The following OPRM1 variants were observed in gnomAD, a reference collection of about 807,000 sequenced individuals.
OPRM1 encodes the protein opioid receptor mu 1.
OPRM1 carries 27 observed loss-of-function variants against 31.8 expected under a neutral mutation model. The observed-to-expected ratio is 0.85, with a 90% CI of 0.63 to 1.17. OPRM1 has a LOEUF of 1.17. Ranked by LOEUF, OPRM1 falls within the 50% of genes most tolerant of loss-of-function variation. OPRM1 has a pLI of 0.00. For synonymous variants in OPRM1, 196 were observed against 189.9 expected, an observed-to-expected ratio of 1.03 and a Z score of -0.26; for missense variants, 536 against 511.1, an observed-to-expected ratio of 1.05 and a Z score of -0.47.
intron 1 of OPRM1, among the ~76,000 whole-genome samples, chr6:154,021,535 C>T (rs1456726358): frequency 1.3e-5 from 2 of 152,200 alleles, no homozygotes; most frequent in Non-Finnish European, 2.9e-5. Flanking sequence ...TGGATCTATA[C>T]ATCAAGTTGG....
chr6:154,022,236 G>T (rs148430124), intron 1 of OPRM1, among the ~76,000 whole-genome samples: 5 of 152,316 alleles, frequency 3.3e-5, no homozygotes, highest in African/African-American at 9.6e-5. Context: ...ATATGATCAT[G>T]TGATTTTCCT....
chr6:154,185,796 A>G (rs977566673), intron 3 of OPRM1, among the ~76,000 whole-genome samples: 1 of 152,216 alleles, frequency 6.6e-6, no homozygotes, highest in African/African-American at 2.4e-5. Context: ...ATCACAAAAA[A>G]TTCTCATAAT....
chr6:154,088,925 T>C (rs1791315114), intron 1 of OPRM1, among the ~76,000 whole-genome samples: 1 of 152,118 alleles, frequency 6.6e-6, no homozygotes, highest in Non-Finnish European at 1.5e-5. Context: ...CTGTTACCTC[T>C]CTGTCTAGAA....
chr6:154,142,383 GC>G (rs1438305090), intron 3 of OPRM1, among the ~76,000 whole-genome samples: 1 of 86,530 alleles, frequency 1.2e-5, no homozygotes, highest in Admixed American at 1.3e-4. Flanking sequence ...ACATTAAGAG[GC>G]AAAATGGGTA....
At chr6:154,140,521 G>T (rs1410560313) in intron 3 of OPRM1, among the ~76,000 whole-genome samples, 1 of 151,978 alleles carries the variant, frequency 6.6e-6, no homozygotes, top group Non-Finnish European at 1.5e-5. Context: ...GTTGAGACAG[G>T]GTTTCGCCAT....
intron 1 of OPRM1, among the ~76,000 whole-genome samples, chr6:154,071,707 G>T (rs1405906915): frequency 6.6e-6 from 1 of 152,298 alleles, no homozygotes; most frequent in African/African-American, 2.4e-5. Context: ...TCTGATGAAT[G>T]AGCATCAGTA....
chr6:154,246,774 A>T, exon 4 of OPRM1: 1 of 1,613,258 alleles, frequency 6.2e-7, no homozygotes, highest in Non-Finnish European at 8.5e-7. Context: ...CAATGATTAC[A>T]TGAAGAGGTA....
At chr6:154,093,062 C>T (rs903585993) in intron 3 of OPRM1, among the ~76,000 whole-genome samples, 1 of 152,210 alleles carries the variant, frequency 6.6e-6, no homozygotes, top group African/African-American at 2.4e-5. Flanking sequence ...AAGCAGCCCT[C>T]CTATTCAGTG....
At chr6:154,054,758 A>G (rs772559969) in intron 1 of OPRM1, among the ~76,000 whole-genome samples, 20 of 152,230 alleles carry the variant, frequency 1.3e-4, no homozygotes, top group Non-Finnish European at 2.5e-4. Flanking sequence ...AATGAAAGAC[A>G]TGTTTAGATA....
intron 3 of OPRM1, among the ~76,000 whole-genome samples, chr6:154,190,144 A>G (rs1470982106): frequency 2.6e-5 from 4 of 152,174 alleles, no homozygotes; most frequent in African/African-American, 7.2e-5. Context: ...CTCACAAAAT[A>G]TAAGACTGTC....
rs1437442897 is a variant in OPRM1, at chr6:154,081,241, C to A, written c.291-8585C>A. On this transcript the variant is annotated intron_variant, in intron 1 of 3. Transcript: ENST00000330432. ...GCAAAGGGCCTGGCGCGGTGGCTCA[C>A]GCCTGTAATCCCAGCACTTTGGGAG... is the stretch of plus-strand genomic sequence containing the variant. Among the ~76,000 whole-genome samples the A allele has an allele frequency of 2.6e-5, 4 of 152,182 alleles. No homozygotes were observed. The East Asian group carries it at 7.7e-4, about 29-fold the overall frequency.
chr6:154,086,966 T>G, intron 1 of OPRM1: 1 of 984,112 alleles, frequency 1.0e-6, no homozygotes, highest in South Asian at 4.7e-5. Context: ...AATTTTGCTT[T>G]TTTGTTGGTT....
chr6:154,088,469 G>A (rs1791194078), intron 1 of OPRM1, among the ~76,000 whole-genome samples: 1 of 152,164 alleles, frequency 6.6e-6, no homozygotes, highest in Admixed American at 6.5e-5. Context: ...GGCTTTGCAT[G>A]TCATCTGATC....
rs541429992 is a variant in OPRM1 at position 154,048,167 on chromosome 6, C to T, written c.290+8333C>T. 2.7e-3 allele frequency among the ~76,000 whole-genome samples: 406 copies of T among 152,304 alleles called. 2 individuals carry two copies. The highest frequency in any genetic ancestry group is 9.2e-3 in the African/African-American group (381 of 41,574). ...CTAAGTGATTCAAATATTAACCACT[C>T]ATATTCACTGAAAACCATTAGTGTG... is the stretch of plus-strand genomic sequence containing the variant. On this transcript the variant is annotated intron_variant, in intron 1 of 3. Transcript: ENST00000330432.
At chr6:154,176,431 C>T (rs1055402440) in intron 3 of OPRM1, among the ~76,000 whole-genome samples, 1 of 152,150 alleles carries the variant, frequency 6.6e-6, no homozygotes, top group East Asian at 1.9e-4. Flanking sequence ...ACCCCATCAT[C>T]TCAGCCCAAA....
intron 1 of OPRM1, among the ~76,000 whole-genome samples, chr6:154,074,879 T>C (rs1472766668): frequency 6.6e-6 from 1 of 151,864 alleles, no homozygotes; most frequent in Non-Finnish European, 1.5e-5. Flanking sequence ...ACGGAAAAAC[T>C]AAAATGTATC....
intron 3 of OPRM1, among the ~76,000 whole-genome samples, chr6:154,177,808 T>C (rs1728711530): frequency 6.6e-6 from 1 of 152,232 alleles, no homozygotes; most frequent in Non-Finnish European, 1.5e-5. Flanking sequence ...CAAAGGATTA[T>C]AAATCATGCT....
At chr6:154,153,899 G>A (rs1352948316) in intron 3 of OPRM1, among the ~76,000 whole-genome samples, 1 of 152,182 alleles carries the variant, frequency 6.6e-6, no homozygotes, top group Non-Finnish European at 1.5e-5. Flanking sequence ...TGTTGAAGCT[G>A]CTCTATTTGT....
At chr6:154,233,664 G>T (rs1779894083) in intron 3 of OPRM1, among the ~76,000 whole-genome samples, 2 of 152,162 alleles carry the variant, frequency 1.3e-5, no homozygotes, top group African/African-American at 4.8e-5. Context: ...AGGATACTGA[G>T]GCTCCAACAG....
Sources: gnomAD v4.1 joint callset for allele counts (sites outside exome capture counted in the v4.1 genomes callset) on GRCh38, gnomAD v4.1.1 for gene constraint, MANE v1.5 for transcripts, NCBI Gene and HGNC (gene_info 2026-07-23, HGNC 2026-07-21) for gene names.